SLC4A4: variants seen among roughly 807,000 people sequenced by gnomAD.
SLC4A4 encodes electrogenic sodium bicarbonate cotransporter 1.
SLC4A4 carries 27 observed loss-of-function variants against 111.5 expected under a neutral mutation model. The ratio of observed to expected loss-of-function variants is 0.24; its 90% CI spans 0.18 to 0.33. The LOEUF (loss-of-function observed/expected upper bound fraction) is 0.33, where lower values mean the gene tolerates loss of function less well. Among genes scored for constraint, SLC4A4 ranks in the 10% least tolerant of loss-of-function variants. The pLI is 1.00. For missense variants in SLC4A4, 909 were observed against 1,315.5 expected (o/e 0.69, Z 4.78); for synonymous variants, 443 against 463.4 (o/e 0.96, Z 0.57).
chr4:71,119,578 AG>A (rs1292193413), intron 2 of SLC4A4, among the ~76,000 whole-genome samples: 1 of 152,096 alleles, frequency 6.6e-6, no homozygotes, highest in Admixed American at 6.6e-5. Flanking sequence ...TTTAAGACAT[AG>A]GATCTTGCTA....
intron 1 of SLC4A4, among the ~76,000 whole-genome samples, chr4:71,090,190 TG>T (rs1200084632): frequency 6.6e-6 from 1 of 151,032 alleles, no homozygotes; most frequent in African/African-American, 2.5e-5. Context: ...TAGGACCCTC[TG>T]GGCCAGGTGT....
chr4:71,303,370 G>A (rs1478754461), intron 3 of SLC4A4, among the ~76,000 whole-genome samples: 1 of 152,208 alleles, frequency 6.6e-6, no homozygotes, highest in Non-Finnish European at 1.5e-5. Context: ...ATGCCTATTA[G>A]CATTTCACAC....
At chr4:71,117,466 T>TGAAA (rs553579447) in intron 2 of SLC4A4, among the ~76,000 whole-genome samples, 4,287 of 152,256 alleles carry the variant, frequency 0.028, 77 homozygotes, top group Middle Eastern at 0.058. Context: ...TTTAAAATTC[T>TGAAA]GAAAGAAAAA....
intron 1 of SLC4A4, among the ~76,000 whole-genome samples, chr4:71,189,883 G>A (rs557114512): frequency 6.6e-6 from 1 of 152,280 alleles, no homozygotes; most frequent in South Asian, 2.1e-4. Flanking sequence ...AACAAACTGA[G>A]AAGAGGAAAA....
chr4:71,499,067 G>A (rs1250818474), intron 16 of SLC4A4, among the ~76,000 whole-genome samples: 2 of 105,352 alleles, frequency 1.9e-5, no homozygotes, highest in Admixed American at 1.8e-4. Flanking sequence ...AAAAGTCTTT[G>A]AGGACAATTT....
At chr4:71,205,429 T>C (rs1245457510) in intron 1 of SLC4A4, among the ~76,000 whole-genome samples, 1 of 152,136 alleles carries the variant, frequency 6.6e-6, no homozygotes, top group Non-Finnish European at 1.5e-5. Context: ...ATCCCCCAAA[T>C]CAGAAGTGTC....
intron 16 of SLC4A4, among the ~76,000 whole-genome samples, chr4:71,509,119 A>G (rs544228221): frequency 9.2e-5 from 14 of 152,366 alleles, no homozygotes; most frequent in African/African-American, 3.4e-4. Context: ...AATGACAGCC[A>G]TGTATGACAA....
intron 1 of SLC4A4, among the ~76,000 whole-genome samples, chr4:71,230,495 G>A (rs1328853485): frequency 6.6e-6 from 1 of 152,226 alleles, no homozygotes; most frequent in Admixed American, 6.5e-5. Flanking sequence ...TGTGAAGTGA[G>A]AGATTATGGG....
chr4:71,409,621 C>T (rs958432582), intron 7 of SLC4A4, among the ~76,000 whole-genome samples: 16 of 152,062 alleles, frequency 1.1e-4, no homozygotes, highest in South Asian at 2.1e-4. Flanking sequence ...ATAAAAGTTC[C>T]GAAAATTTGC....
At chr4:71,186,543 G>A (rs1459262675), upstream of SLC4A4, among the ~76,000 whole-genome samples, 1 of 151,986 alleles carries the variant, frequency 6.6e-6, no homozygotes, top group Non-Finnish European at 1.5e-5. Flanking sequence ...GTCCGGAGCC[G>A]GGTCCTCCGC....
intron 16 of SLC4A4, among the ~76,000 whole-genome samples, chr4:71,511,460 T>G (rs1731911500): frequency 6.6e-6 from 1 of 152,112 alleles, no homozygotes; most frequent in Non-Finnish European, 1.5e-5. Flanking sequence ...TTTTAAGGTG[T>G]CTTTAGTATT....
intron 1 of SLC4A4, among the ~76,000 whole-genome samples, chr4:71,074,667 A>G (rs1411364722): frequency 2.0e-5 from 3 of 151,934 alleles, no homozygotes; most frequent in Non-Finnish European, 4.4e-5. Context: ...AAGGGGAGGA[A>G]GGAAGAAGGG....
In SLC4A4 at chr4:71,446,793, C is replaced by T. The variant is rs144025422; in HGVS notation, c.966-853C>T. On this transcript the variant is annotated intron_variant, in intron 8 of 25. Coordinates refer to ENST00000264485, the MANE Select transcript of SLC4A4 (RefSeq NM_001098484.3). Reference sequence around the variant, plus strand: ...TATCAAGGTGGGATTTATCCCACGTCACCTTTTGTAGATTTTTTTGTAAAT... The same window carrying T: ...TATCAAGGTGGGATTTATCCCACGTTACCTTTTGTAGATTTTTTTGTAAAT... Among the ~76,000 whole-genome samples, 116 of 152,312 alleles carry T rather than the reference C, an allele frequency of 7.6e-4. 1 individual carries two copies. In the East Asian group the frequency reaches 0.021, roughly 28 times the overall value.
chr4:71,198,482 G>A (rs1746107151), intron 1 of SLC4A4, among the ~76,000 whole-genome samples: 1 of 152,182 alleles, frequency 6.6e-6, no homozygotes, highest in Admixed American at 6.5e-5. Context: ...ACTGGGAAGG[G>A]TCTAGAGAAA....
chr4:71,331,211 C>A (rs1241674036), intron 3 of SLC4A4, among the ~76,000 whole-genome samples: 1 of 152,016 alleles, frequency 6.6e-6, no homozygotes, highest in Non-Finnish European at 1.5e-5. Flanking sequence ...TACCATTTGA[C>A]CCAGCCATCC....
intron 1 of SLC4A4, among the ~76,000 whole-genome samples, chr4:71,088,024 T>C (rs1003405042): frequency 2.6e-5 from 4 of 151,970 alleles, no homozygotes; most frequent in Non-Finnish European, 4.4e-5. Flanking sequence ...CTCCCATTAT[T>C]ATTGTGTGGG....
chr4:71,511,987 A>G (rs1045148866), intron 16 of SLC4A4, among the ~76,000 whole-genome samples: 1 of 152,150 alleles, frequency 6.6e-6, no homozygotes, highest in African/African-American at 2.4e-5. Flanking sequence ...TTATATATGT[A>G]TATGTCACAT....
At chr4:71,206,835 G>A (rs1717796755) in intron 1 of SLC4A4, among the ~76,000 whole-genome samples, 1 of 151,660 alleles carries the variant, frequency 6.6e-6, no homozygotes, top group African/African-American at 2.4e-5. Context: ...TTTAGAAGGA[G>A]AGGTTTCCGA....
At chr4:71,556,491 T>C (rs936786776) in intron 21 of SLC4A4, among the ~76,000 whole-genome samples, 1 of 151,956 alleles carries the variant, frequency 6.6e-6, no homozygotes, top group Non-Finnish European at 1.5e-5. Flanking sequence ...CTTTATTGGT[T>C]GAAACTCAGT....
Sources: gnomAD v4.1 joint callset for allele counts (sites outside exome capture counted in the v4.1 genomes callset) on GRCh38, gnomAD v4.1.1 for gene constraint, MANE v1.5 for transcripts, NCBI Gene and HGNC (gene_info 2026-07-23, HGNC 2026-07-21) for gene names.